ADGRL3: variants seen among roughly 807,000 people sequenced by gnomAD.
ADGRL3 encodes calcium-independent alpha-latrotoxin receptor 3.
In ADGRL3, 62 loss-of-function variants were observed where a neutral mutation model predicts 153.5. The ratio of observed to expected loss-of-function variants is 0.40; its 90% CI spans 0.33 to 0.50. ADGRL3 has a LOEUF of 0.50. ADGRL3 is among the 20% of genes least tolerant of loss of function. ADGRL3 has a pLI of 0.47. For missense variants in ADGRL3, 1,641 were observed against 1,859.4 expected (o/e 0.88, Z 2.16); for synonymous variants, 710 against 672.5 (o/e 1.06, Z -0.86).
At chr4:61,226,558 T>C (rs529690443) in intron 1 of ADGRL3, among the ~76,000 whole-genome samples, 16 of 152,296 alleles carry the variant, frequency 1.1e-4, no homozygotes, top group African/African-American at 3.4e-4. Flanking sequence ...TTTTATGATA[T>C]TTTTCAGGTT....
intron 25 of ADGRL3, 94 bp from the exon 26 acceptor site, chr4:62,068,072 A>G: frequency 4.0e-6 from 3 of 741,522 alleles, no homozygotes; most frequent in East Asian, 2.7e-5. Context: ...TTTTTTCTGC[A>G]TATCATCAAT....
Position 61,298,082 on chromosome 4 carries a change from A to C in ADGRL3, c.-239-85042A>C, listed in dbSNP as rs1029210245. Among the ~76,000 whole-genome samples, 4 of 152,140 alleles carry C rather than the reference A, an allele frequency of 2.6e-5. No individual in the cohort carries two copies. In the South Asian group the frequency reaches 8.3e-4, roughly 32 times the overall value. ...AGATTATACAACTAGCATATATAAC[A>C]TTCAGGAATTTTAGTTACTGTTTAT... On this transcript the variant is annotated intron_variant, in intron 1 of 26. Transcript: ENST00000683033.
chr4:61,719,200 A>C (rs570465229), intron 6 of ADGRL3, among the ~76,000 whole-genome samples: 1 of 152,264 alleles, frequency 6.6e-6, no homozygotes, highest in East Asian at 1.9e-4. Context: ...GAGGAACATA[A>C]ATTCGTAAGG....
intron 1 of ADGRL3, among the ~76,000 whole-genome samples, chr4:61,291,879 C>G (rs2094231663): frequency 6.9e-6 from 1 of 144,426 alleles, no homozygotes; most frequent in Admixed American, 7.2e-5. Context: ...ATCTAGTATG[C>G]ATTCTTTAGG....
chr4:61,300,176 T>A (rs544598430), intron 1 of ADGRL3, among the ~76,000 whole-genome samples: 1 of 152,344 alleles, frequency 6.6e-6, no homozygotes, highest in East Asian at 1.9e-4. Context: ...CTCCAAGTAA[T>A]CCCAGGTTAC....
Position 61,498,193 on chromosome 4 carries a change from C to T in ADGRL3, c.55+845C>T, listed in dbSNP as rs184880719. Among the ~76,000 whole-genome samples, 79 of 152,186 alleles carry T rather than the reference C, an allele frequency of 5.2e-4. No homozygotes were observed. The East Asian group carries it at 0.015, about 28-fold the overall frequency. ...TAATATACAGAACACAAACTATAAC[C>T]TCCCAATAAAGGGAAATTGTTTTGG... On this transcript the variant is annotated intron_variant, in intron 3 of 26. Coordinates refer to ENST00000683033, the MANE Select transcript of ADGRL3 (RefSeq NM_001387552.1).
intron 1 of ADGRL3, among the ~76,000 whole-genome samples, chr4:61,328,343 G>T (rs1469375063): frequency 6.6e-6 from 1 of 152,126 alleles, no homozygotes; most frequent in Non-Finnish European, 1.5e-5. Context: ...ATTTATTTCG[G>T]AGATAGTAGG....
intron 21 of ADGRL3, among the ~76,000 whole-genome samples, chr4:62,016,511 A>T (rs575167244): frequency 6.6e-6 from 1 of 152,294 alleles, no homozygotes; most frequent in East Asian, 1.9e-4. Flanking sequence ...CTACCACAGT[A>T]TCCTACATTA....
rs1578763270 is a variant in ADGRL3, at chr4:61,421,836, T to G, written c.-174+38647T>G. The stretch of plus-strand genomic sequence containing the variant: ...ACCTTGATCATGAAGATTTTAGTAT[T>G]TATTTTCAGGAAAACTATCCACAAC... On this transcript the variant is annotated intron_variant, in intron 2 of 26. Transcript: ENST00000683033. 2.0e-5 allele frequency among the ~76,000 whole-genome samples: 3 copies of G among 152,106 alleles called. No homozygotes were observed. In the East Asian group the frequency reaches 5.8e-4, roughly 29 times the overall value.
In ADGRL3 at chr4:61,325,244, G is replaced by A. The variant is rs372507613; in HGVS notation, c.-239-57880G>A. Among the ~76,000 whole-genome samples the A allele has an allele frequency of 9.2e-5, 14 of 152,132 alleles. No individual in the cohort carries two copies. The South Asian group carries it at 1.0e-3, about 11-fold the overall frequency. On this transcript the variant is annotated intron_variant, in intron 1 of 26. Coordinates refer to ENST00000683033, the MANE Select transcript of ADGRL3 (RefSeq NM_001387552.1). ...GGAGAATCGCTTGAACCAGGGAGTC[G>A]GAAGTTGCAGTGAGCTGAGATCACT...
chr4:61,700,480 C>T (rs549662274), intron 6 of ADGRL3, among the ~76,000 whole-genome samples: 5 of 151,974 alleles, frequency 3.3e-5, no homozygotes, highest in South Asian at 2.1e-4. Context: ...CAGGGTACCG[C>T]GGATTCAGGA....
chr4:61,325,639 C>T (rs1461514426), intron 1 of ADGRL3, among the ~76,000 whole-genome samples: 1 of 152,158 alleles, frequency 6.6e-6, no homozygotes, highest in African/African-American at 2.4e-5. Context: ...TGCCCCTGTG[C>T]ATCCTATAGT....
chr4:61,725,614 A>C (rs1422146256), intron 6 of ADGRL3, among the ~76,000 whole-genome samples: 1 of 151,464 alleles, frequency 6.6e-6, no homozygotes, highest in Non-Finnish European at 1.5e-5. Context: ...AAACCAAAAA[A>C]AAACAAAAAA....
intron 8 of ADGRL3, among the ~76,000 whole-genome samples, chr4:61,741,594 A>G (rs2096581264): frequency 6.6e-6 from 1 of 152,230 alleles, no homozygotes; most frequent in Non-Finnish European, 1.5e-5. Context: ...GCCACTTCAC[A>G]GCAGCTGAAT....
At chr4:61,586,251 T>C (rs891822557) in intron 4 of ADGRL3, among the ~76,000 whole-genome samples, 1 of 152,004 alleles carries the variant, frequency 6.6e-6, no homozygotes, top group Non-Finnish European at 1.5e-5. Context: ...AAAATGTATT[T>C]GGATAATTAG....
chr4:61,909,837 T>C lies in ADGRL3; in HGVS notation c.2073+92T>C, dbSNP rs553591310. On this transcript the variant is annotated intron_variant, in intron 12 of 26. Coordinates refer to ENST00000683033, the MANE Select transcript of ADGRL3 (RefSeq NM_001387552.1). ...TGTAATAAAATCAGAAAGACTTCAC[T>C]GCTTAATTTTCCTCCTTCTACAGAA... is the stretch of plus-strand genomic sequence containing the variant. 7.2e-6 allele frequency: 7 copies of C among 971,686 alleles called. No homozygotes were observed. In the African/African-American group the frequency reaches 1.1e-4, roughly 16 times the overall value. The allele number at this position is 971,686 out of a possible 1,614,324, so 60.2% of individuals were successfully genotyped here.
At chr4:61,377,507 G>A (rs1046696335) in intron 1 of ADGRL3, among the ~76,000 whole-genome samples, 1 of 151,790 alleles carries the variant, frequency 6.6e-6, no homozygotes, top group African/African-American at 2.4e-5. Flanking sequence ...TCAATTATAT[G>A]TTTTTCAAGG....
intron 11 of ADGRL3, among the ~76,000 whole-genome samples, chr4:61,903,650 CAAA>C (rs55879235): frequency 2.8e-5 from 2 of 72,342 alleles, no homozygotes; most frequent in African/African-American, 6.5e-5. Context: ...TGGGAAACAG[CAAA>C]AAAAAAAAAA....
chr4:61,306,947 A>G (rs2094812881), intron 1 of ADGRL3, among the ~76,000 whole-genome samples: 1 of 152,234 alleles, frequency 6.6e-6, no homozygotes, highest in African/African-American at 2.4e-5. Flanking sequence ...CCTGCTATAA[A>G]GCAAAATAAA....
Sources: allele counts gnomAD v4.1 joint callset (sites outside exome capture counted in the v4.1 genomes callset), GRCh38; gene constraint gnomAD v4.1.1; transcripts MANE v1.5; gene names NCBI Gene and HGNC (gene_info 2026-07-23, HGNC 2026-07-21).